The following ELF4 variants were observed in gnomAD, a reference collection of about 807,000 sequenced individuals.
The protein encoded by ELF4 is ETS-related transcription factor Elf-4.
In ELF4, 10 loss-of-function variants were observed where a neutral mutation model predicts 31.7. The observed-to-expected ratio is 0.32, with a 90% CI of 0.19 to 0.54. The LOEUF is 0.54. Ranked by LOEUF, ELF4 falls within the 20% of genes least tolerant of loss-of-function variation. ELF4 has a pLI of 0.95. For missense variants in ELF4, 418 were observed against 522.0 expected (o/e 0.80, Z 1.94); for synonymous variants, 208 against 226.7 (o/e 0.92, Z 0.74).
At chrX:130,091,392 A>G (rs906185176) in intron 1 of ELF4, among the ~76,000 whole-genome samples, 3 of 111,843 alleles carry the variant, frequency 2.7e-5, no homozygotes, top group African/African-American at 9.8e-5. Flanking sequence ...GTGCCACTGC[A>G]CTCCAGCCTG....
At position 130,065,317 on chromosome X, in the gene ELF4, G is replaced by A. The variant is rs1277266508; in HGVS notation, c.*1404C>T. On this transcript the variant is annotated 3_prime_UTR_variant, in exon 9 of 9. Coordinates refer to ENST00000308167, the MANE Select transcript of ELF4 (RefSeq NM_001421.4). ...ATCCAGGCAATTGGCCTAGGGGTTG[G>A]CTTTGAGAGAGAATAGGTTGACCCT... The A allele has an allele frequency of 2.3e-5, 4 of 174,078 alleles. No homozygotes were observed. Among genetic ancestry groups the A allele is most frequent in the African/African-American group, 1.2e-4 (4 of 33,858 alleles). The allele number at this position is 174,078 out of a possible 1,213,427, so 14.3% of individuals were successfully genotyped here. A position where few individuals can be genotyped will look rare whatever the true frequency, so the allele number is the denominator to read the frequency against.
At chrX:130,091,012 C>T (rs1242462635) in intron 1 of ELF4, among the ~76,000 whole-genome samples, 1 of 111,531 alleles carries the variant, frequency 9.0e-6, no homozygotes. Context: ...CAGGGTTTTG[C>T]CATGTTGTCC....
rs186811967 is a variant in ELF4, at chrX:130,095,603, G to A, written c.-209-14064C>T. Among the ~76,000 whole-genome samples the A allele has an allele frequency of 1.4e-4, 16 of 111,705 alleles. No individual in the cohort carries two copies. The East Asian group carries it at 4.2e-3, about 29-fold the overall frequency. On this transcript the variant is annotated intron_variant, in intron 1 of 8. Transcript: ENST00000308167. The stretch of plus-strand genomic sequence containing the variant: ...GTCCCAAGCCCCTCAAGGACTCAAT[G>A]TCAACCCAAGCTCCATCTAGTAAGT...
chrX:130,102,508 A>G (rs1227144900), intron 1 of ELF4, among the ~76,000 whole-genome samples: 1 of 110,936 alleles, frequency 9.0e-6, no homozygotes, highest in Non-Finnish European at 1.9e-5. Flanking sequence ...AGATATTCAT[A>G]TGCATAAAGA....
intron 1 of ELF4, among the ~76,000 whole-genome samples, chrX:130,105,094 C>T (rs778395446): frequency 1.8e-5 from 2 of 110,825 alleles, no homozygotes; most frequent in African/African-American, 3.3e-5. Context: ...TGCTTGAACC[C>T]GGGAGATGGA....
At position 130,065,873 on chromosome X, in the gene ELF4, GGCCCAAGATTCCA is replaced by G. The variant is rs1241362521; in HGVS notation, c.*835_*847del. 1.7e-5 allele frequency: 3 copies of G among 173,437 alleles called. No homozygotes were observed. The highest frequency in any genetic ancestry group is 1.6e-4 in the Admixed American group (2 of 12,662). The allele number at this position is 173,437 out of a possible 1,213,427, so 14.3% of individuals were successfully genotyped here. ...ATCCTTCAGCAAAGCACTTTGGGGTGGCCCAAGATTCCAGCCTGACTGCAAGGTGACTGTGGTT... is the reference window on the plus strand; with the variant it reads ...ATCCTTCAGCAAAGCACTTTGGGGTGGCCTGACTGCAAGGTGACTGTGGTT... On this transcript the variant is annotated 3_prime_UTR_variant, in exon 9 of 9. Coordinates refer to ENST00000308167, the MANE Select transcript of ELF4 (RefSeq NM_001421.4).
At chrX:130,081,889 C>T (rs926466252) in intron 1 of ELF4, among the ~76,000 whole-genome samples, 2 of 111,765 alleles carry the variant, frequency 1.8e-5, no homozygotes, top group African/African-American at 6.5e-5. Flanking sequence ...AGGAACTTTG[C>T]GCTCTCTCCA....
Position 130,081,431 on chromosome X carries a change from G to T in ELF4, c.-101C>A. The T allele has an allele frequency of 1.1e-6, 1 of 877,992 alleles. No homozygotes were observed. The highest frequency in any genetic ancestry group is 1.7e-6 in the Non-Finnish European group (1 of 597,345). 72.4% of individuals were successfully genotyped at this position (877,992 alleles called of 1,213,427 possible). On this transcript the variant is annotated 5_prime_UTR_variant, in exon 2 of 9. Transcript: ENST00000308167. ...ATACCCAGGTACTTTGGAGCCTAGA[G>T]CCTACCCCCTGAGCTGCAGTAAAAT...
intron 1 of ELF4, among the ~76,000 whole-genome samples, chrX:130,098,615 A>G (rs913929079): frequency 3.6e-5 from 4 of 111,435 alleles, no homozygotes; most frequent in African/African-American, 1.3e-4. Context: ...CCTGGGATCT[A>G]TGCACCCACC....
At chrX:130,073,531 G>A (rs1240929642) in intron 4 of ELF4, among the ~76,000 whole-genome samples, 1 of 110,321 alleles carries the variant, frequency 9.1e-6, no homozygotes, top group Non-Finnish European at 1.9e-5. Flanking sequence ...ATTTTTTTGA[G>A]ACAGAGGTTC....
intron 1 of ELF4, among the ~76,000 whole-genome samples, chrX:130,104,002 T>C (rs1300835747): frequency 1.8e-5 from 2 of 111,984 alleles, no homozygotes; most frequent in African/African-American, 6.5e-5. Flanking sequence ...AATGGACCCA[T>C]CATCTATTCT....
intron 1 of ELF4, among the ~76,000 whole-genome samples, chrX:130,108,561 G>A (rs902577388): frequency 1.9e-4 from 21 of 110,950 alleles, no homozygotes; most frequent in African/African-American, 6.6e-4. Context: ...ACAGACCACA[G>A]CACCCTCTAT....
At chrX:130,098,028 C>T (rs1009853318) in intron 1 of ELF4, among the ~76,000 whole-genome samples, 3 of 112,253 alleles carry the variant, frequency 2.7e-5, no homozygotes, top group South Asian at 3.7e-4. Flanking sequence ...CGGCTGCCCC[C>T]GCCCTGCCTG....
In ELF4 at chrX:130,110,457, G is replaced by C. The variant is rs528856261; in HGVS notation, c.-342C>G. ...CCTCTCCCCTCGGAAGCCGGGCCGG[G>C]CGAGCGGCGCCAGGAACTCGGCGCC... is the stretch of plus-strand genomic sequence containing the variant. On this transcript the variant is annotated 5_prime_UTR_variant, in exon 1 of 9. Coordinates refer to ENST00000308167, the MANE Select transcript of ELF4 (RefSeq NM_001421.4). The C allele has an allele frequency of 9.0e-6, 1 of 110,519 alleles. No individual in the cohort carries two copies. Among genetic ancestry groups the C allele is most frequent in the Non-Finnish European group, 1.9e-5 (1 of 52,378 alleles). The allele number at this position is 110,519 out of a possible 1,213,427, so 9.1% of individuals were successfully genotyped here.
At chrX:130,072,523 C>T (rs1038777186) in intron 4 of ELF4, 106 bp from the exon 5 acceptor site, 1 of 791,305 alleles carries the variant, frequency 1.3e-6, no homozygotes, top group South Asian at 2.3e-5. Context: ...GGGGGCTCAT[C>T]CCCCCAGCCC....
At chrX:130,073,372 C>T (rs1392815460) in intron 4 of ELF4, among the ~76,000 whole-genome samples, 1 of 111,847 alleles carries the variant, frequency 8.9e-6, no homozygotes, top group Non-Finnish European at 1.9e-5. Context: ...CAGGTGTGAG[C>T]CACCACACCC....
rs908800419 is a variant in ELF4 at position 130,067,278 on chromosome X, C to A, written c.1435G>T (p.Ala479Ser). The A allele has an allele frequency of 2.8e-5, 34 of 1,210,636 alleles. No homozygotes were observed. Among genetic ancestry groups the A allele is most frequent in the Non-Finnish European group, 3.4e-5 (30 of 895,246 alleles). ...FQDSQVAAPG[A>S]PLILSGLPQL... ...GGGAGGCCACTGAGAATCAGTGGAG[C>A]CCCTGGGGCTGCCACCTGGCTGTCT... The change falls in exon 9 of 9, where the codon GCT (alanine) becomes TCT (serine). Residue 479 changes from alanine to serine, a missense_variant. Transcript: ENST00000308167.
upstream of ELF4, chrX:130,110,503 T>C (rs1933464899): frequency 9.2e-6 from 1 of 108,290 alleles, no homozygotes. Context: ...GAAGTGGAAG[T>C]TGAGCGCGGC....
At chrX:130,089,464 G>A (rs1292104838) in intron 1 of ELF4, among the ~76,000 whole-genome samples, 9 of 78,244 alleles carry the variant, frequency 1.2e-4, no homozygotes, top group Non-Finnish European at 1.8e-4. Context: ...AGCTGAGATC[G>A]CACCACTGCA....
Sources: gnomAD v4.1 joint callset for allele counts (sites outside exome capture counted in the v4.1 genomes callset) on GRCh38, gnomAD v4.1.1 for gene constraint, MANE v1.5 for transcripts, NCBI Gene and HGNC (gene_info 2026-07-23, HGNC 2026-07-21) for gene names.